MACF1: variants seen among roughly 807,000 people sequenced by gnomAD.
The protein encoded by MACF1 is microtubule actin crosslinking factor 1.
A neutral mutation model predicts 854.8 loss-of-function variants in MACF1; 193 were observed. The ratio of observed to expected loss-of-function variants is 0.23; its 90% confidence interval spans 0.20 to 0.25. MACF1 has a LOEUF of 0.25. Ranked by LOEUF, MACF1 falls within the 10% of genes least tolerant of loss-of-function variation. The pLI is 1.00. For missense variants in MACF1, 7,722 were observed against 8,929.1 expected (o/e 0.86, Z 5.45); for synonymous variants, 3,185 against 3,226.7 (o/e 0.99, Z 0.44).
intron 35 of MACF1, among the ~76,000 whole-genome samples, chr1:39,325,321 G>T (rs1044025404): frequency 2.6e-5 from 4 of 152,176 alleles, no homozygotes; most frequent in African/African-American, 9.7e-5. Flanking sequence ...GAAAAGTTGA[G>T]AAATATCTGT....
intron 2 of MACF1, among the ~76,000 whole-genome samples, chr1:39,182,819 C>T (rs1644122072): frequency 6.6e-6 from 1 of 152,142 alleles, no homozygotes; most frequent in Admixed American, 6.5e-5. Flanking sequence ...TGCCACATGA[C>T]CCAGCAATTC....
intron 89 of MACF1, 128 bp from the exon 90 acceptor site, chr1:39,458,242 G>A (rs1644481888): frequency 1.3e-6 from 1 of 791,656 alleles, no homozygotes; most frequent in Admixed American, 2.8e-5. Flanking sequence ...ACTCAACTCA[G>A]GCACCAGCCT....
intron 6 of MACF1, among the ~76,000 whole-genome samples, chr1:39,273,552 A>G (rs1286399029): frequency 6.6e-6 from 1 of 152,160 alleles, no homozygotes; most frequent in African/African-American, 2.4e-5. Context: ...TATTGGGGGA[A>G]TGCAGAAGGT....
chr1:39,474,111 G>A (rs564645164), intron 97 of MACF1, among the ~76,000 whole-genome samples: 106 of 152,178 alleles, frequency 7.0e-4, no homozygotes, highest in African/African-American at 2.4e-3. Flanking sequence ...AATACAGGCC[G>A]GGTGCAGCAG....
intron 61 of MACF1, 62 bp from the exon 62 acceptor site, chr1:39,427,393 T>A (rs902919774): frequency 5.5e-5 from 77 of 1,412,522 alleles, no homozygotes; most frequent in Admixed American, 2.4e-4. Context: ...CTGAGTATAG[T>A]ACTATTACCA....
intron 2 of MACF1, among the ~76,000 whole-genome samples, chr1:39,166,437 TATTTATTTATTTATTC>T (rs1015612758): frequency 1.6e-4 from 23 of 146,744 alleles, no homozygotes; most frequent in Non-Finnish European, 5.9e-5. Context: ...TTTATTTATT[TATTTATTTATTTATTC>T]ATTCATTCAT....
At chr1:39,381,313 T>G (rs1353004221) in intron 55 of MACF1, among the ~76,000 whole-genome samples, 1 of 135,706 alleles carries the variant, frequency 7.4e-6, no homozygotes, top group Non-Finnish European at 1.5e-5. Flanking sequence ...CACCTCGGCC[T>G]CCCAAAGTGC....
At chr1:39,179,742 C>T (rs1258855619) in intron 2 of MACF1, among the ~76,000 whole-genome samples, 1 of 151,988 alleles carries the variant, frequency 6.6e-6, no homozygotes, top group Non-Finnish European at 1.5e-5. Flanking sequence ...CTGCCAGGCG[C>T]GGTGGCTCAT....
chr1:39,131,383 A>G (rs1468539512), intron 2 of MACF1, among the ~76,000 whole-genome samples: 1 of 151,028 alleles, frequency 6.6e-6, no homozygotes, highest in Admixed American at 6.6e-5. Flanking sequence ...TATGTTGCCA[A>G]GGCTGGTCTT....
At chr1:39,195,864 G>A (rs551245771) in intron 2 of MACF1, among the ~76,000 whole-genome samples, 1 of 152,238 alleles carries the variant, frequency 6.6e-6, no homozygotes, top group African/African-American at 2.4e-5. Flanking sequence ...GTGAACGAGG[G>A]CAGGGTTGGT....
At chr1:39,337,562 A>ATTTTTTTTTTTTTTTTTTTTTTTTT (rs35312351) in intron 38 of MACF1, among the ~76,000 whole-genome samples, 1 of 100,154 alleles carries the variant, frequency 1.0e-5, no homozygotes, top group East Asian at 2.9e-4. Flanking sequence ...AATTACTACC[A>ATTTTTTTTTTTTTTTTTTTTTTTTT]TTTTTTTTTT....
chr1:39,391,872 T>C (rs1642048032), intron 58 of MACF1, among the ~76,000 whole-genome samples: 1 of 152,214 alleles, frequency 6.6e-6, no homozygotes, highest in Admixed American at 6.5e-5. Context: ...CCTCAGATAC[T>C]CTGGATGTGA....
intron 28 of MACF1, 48 bp downstream of exon 28, chr1:39,316,577 C>T (rs1473549330): frequency 6.4e-7 from 1 of 1,566,140 alleles, no homozygotes; most frequent in Non-Finnish European, 8.7e-7. Flanking sequence ...ATATTCATTG[C>T]TTTGGGTTAG....
At chr1:39,272,412 A>C (rs893286441) in intron 6 of MACF1, among the ~76,000 whole-genome samples, 1 of 152,348 alleles carries the variant, frequency 6.6e-6, no homozygotes, top group Admixed American at 6.5e-5. Context: ...AAAGTGGGAA[A>C]GCTGGGAGGG....
chr1:39,325,326 A>G (rs1365250945), intron 35 of MACF1, among the ~76,000 whole-genome samples: 1 of 152,222 alleles, frequency 6.6e-6, no homozygotes, highest in Non-Finnish European at 1.5e-5. Flanking sequence ...GTTGAGAAAT[A>G]TCTGTTACAT....
intron 97 of MACF1, among the ~76,000 whole-genome samples, chr1:39,477,687 G>A (rs1472172293): frequency 6.6e-6 from 1 of 152,102 alleles, no homozygotes; most frequent in Non-Finnish European, 1.5e-5. Flanking sequence ...TGTCTTGGGG[G>A]TCGGGGGACA....
intron 2 of MACF1, among the ~76,000 whole-genome samples, chr1:39,175,806 A>G (rs1476335641): frequency 1.3e-5 from 2 of 151,682 alleles, no homozygotes; most frequent in Admixed American, 6.6e-5. Context: ...TACAAAAATT[A>G]GCCGGGTGTG....
At chr1:39,142,963 ACT>A (rs1643377606) in intron 2 of MACF1, among the ~76,000 whole-genome samples, 1 of 152,150 alleles carries the variant, frequency 6.6e-6, no homozygotes, top group Non-Finnish European at 1.5e-5. Flanking sequence ...GCGCTGACCT[ACT>A]TTTCAGGGAC....
chr1:39,108,317 T>C (rs371431292), intron 2 of MACF1, among the ~76,000 whole-genome samples: 8 of 152,182 alleles, frequency 5.3e-5, no homozygotes, highest in African/African-American at 1.2e-4. Context: ...CAATGTTAGA[T>C]GCCAGAATTC....
Sources: gnomAD v4.1 joint callset for allele counts (sites outside exome capture counted in the v4.1 genomes callset) on GRCh38, gnomAD v4.1.1 for gene constraint, MANE v1.5 for transcripts, NCBI Gene and HGNC (gene_info 2026-07-23, HGNC 2026-07-21) for gene names.